Variants in NEGR1 observed in about 807,000 individuals in gnomAD.
NEGR1 encodes the protein IgLON family member 4.
A neutral mutation model predicts 40.9 loss-of-function variants in NEGR1; 10 were observed. The ratio of observed to expected loss-of-function variants is 0.24; its 90% confidence interval spans 0.15 to 0.42. The LOEUF (loss-of-function observed/expected upper bound fraction) is 0.42, where lower values mean the gene tolerates loss of function less well. Ranked by LOEUF, NEGR1 falls within the 10% of genes least tolerant of loss-of-function variation. The pLI, the probability that NEGR1 is intolerant of heterozygous loss-of-function variation, is 1.00. For synonymous variants in NEGR1, 185 were observed against 166.8 expected, an observed-to-expected ratio of 1.11 and a Z score of -0.84; for missense variants, 352 against 438.9, an observed-to-expected ratio of 0.80 and a Z score of 1.77.
intron 3 of NEGR1, among the ~76,000 whole-genome samples, chr1:71,768,820 T>G (rs1207257340): frequency 6.6e-6 from 1 of 152,158 alleles, no homozygotes; most frequent in African/African-American, 2.4e-5. Flanking sequence ...GGGTGATTTT[T>G]CATAAATGGT....
intron 1 of NEGR1, among the ~76,000 whole-genome samples, chr1:72,170,050 A>G (rs929402266): frequency 1.3e-5 from 2 of 152,304 alleles, no homozygotes; most frequent in Admixed American, 1.3e-4. Flanking sequence ...AGATGCCTAT[A>G]GAAAATGTGT....
At chr1:72,099,175 A>C (rs1648832758) in intron 1 of NEGR1, among the ~76,000 whole-genome samples, 2 of 151,942 alleles carry the variant, frequency 1.3e-5, no homozygotes, top group Non-Finnish European at 2.9e-5. Flanking sequence ...AATTTCCAAT[A>C]TAGGGCTATT....
intron 2 of NEGR1, among the ~76,000 whole-genome samples, chr1:71,817,111 C>T (rs142962045): frequency 5.5e-4 from 84 of 152,142 alleles, no homozygotes; most frequent in African/African-American, 1.8e-3. Flanking sequence ...CATTCTGGCA[C>T]GGTTTCTGCA....
At chr1:71,948,910 C>A (rs1326593857) in intron 1 of NEGR1, among the ~76,000 whole-genome samples, 1 of 151,956 alleles carries the variant, frequency 6.6e-6, no homozygotes, top group South Asian at 2.1e-4. Context: ...CTCTCAAGGT[C>A]AGAATTTTGT....
chr1:72,024,216 C>A (rs1447090298), intron 1 of NEGR1, among the ~76,000 whole-genome samples: 1 of 151,932 alleles, frequency 6.6e-6, no homozygotes, highest in East Asian at 1.9e-4. Flanking sequence ...GAGAAAAATT[C>A]TATGTATTAA....
intron 1 of NEGR1, among the ~76,000 whole-genome samples, chr1:72,085,496 C>T (rs543680599): frequency 6.6e-6 from 1 of 152,264 alleles, no homozygotes; most frequent in East Asian, 1.9e-4. Flanking sequence ...AATTGTCAAA[C>T]TAGGTGTGTT....
At chr1:71,997,262 C>A (rs1456223967) in intron 1 of NEGR1, among the ~76,000 whole-genome samples, 1 of 152,022 alleles carries the variant, frequency 6.6e-6, no homozygotes, top group Non-Finnish European at 1.5e-5. Context: ...TCCAGGCTTT[C>A]CATGATTTCA....
intron 6 of NEGR1, among the ~76,000 whole-genome samples, chr1:71,428,302 C>T (rs1257322381): frequency 6.6e-6 from 1 of 152,164 alleles, no homozygotes; most frequent in African/African-American, 2.4e-5. Flanking sequence ...CTGAAGATTT[C>T]ACACCTGCTA....
intron 4 of NEGR1, among the ~76,000 whole-genome samples, chr1:71,666,681 T>C (rs1273986158): frequency 1.3e-5 from 2 of 152,210 alleles, no homozygotes; most frequent in Non-Finnish European, 2.9e-5. Flanking sequence ...ACTCTCCTTT[T>C]GTTCTGTAAA....
At chr1:71,602,561 A>T (rs1040133026) in intron 5 of NEGR1, among the ~76,000 whole-genome samples, 3 of 152,222 alleles carry the variant, frequency 2.0e-5, no homozygotes, top group Admixed American at 2.0e-4. Context: ...GCCCATGATT[A>T]TTCTTAACCC....
chr1:71,734,653 G>T (rs1654990586), intron 3 of NEGR1, among the ~76,000 whole-genome samples: 1 of 151,502 alleles, frequency 6.6e-6, no homozygotes, highest in African/African-American at 2.4e-5. Context: ...TCTCCTTATT[G>T]CCACACTTCC....
chr1:71,546,887 CTATA>C (rs1377725921), intron 6 of NEGR1, among the ~76,000 whole-genome samples: 3 of 151,592 alleles, frequency 2.0e-5, no homozygotes, highest in Admixed American at 6.6e-5. Context: ...TGTCAGTTTC[CTATA>C]TAAAGAGGTG....
At chr1:71,678,070 ACAGATCAT>A (rs1652706169) in intron 4 of NEGR1, among the ~76,000 whole-genome samples, 2 of 190 alleles carry the variant, frequency 0.011, no homozygotes, top group African/African-American at 0.014. Context: ...ATACATGATG[ACAGATCAT>A]GACAGATCTG....
intron 3 of NEGR1, among the ~76,000 whole-genome samples, chr1:71,770,521 A>G (rs1206074024): frequency 6.6e-6 from 1 of 152,208 alleles, no homozygotes. Flanking sequence ...TGTATGGTAT[A>G]AAATCAATCA....
intron 1 of NEGR1, among the ~76,000 whole-genome samples, chr1:72,160,517 T>G (rs1651517686): frequency 6.6e-6 from 1 of 152,112 alleles, no homozygotes; most frequent in Non-Finnish European, 1.5e-5. Context: ...CAATTTTCAA[T>G]TACAGAAAGA....
intron 1 of NEGR1, among the ~76,000 whole-genome samples, chr1:72,225,994 A>G (rs560024281): frequency 4.6e-5 from 7 of 152,002 alleles, no homozygotes; most frequent in Admixed American, 1.3e-4. Context: ...TATGTCGTAG[A>G]CAAAAAACTT....
intron 1 of NEGR1, among the ~76,000 whole-genome samples, chr1:72,046,791 T>C (rs1647006235): frequency 6.6e-6 from 1 of 151,564 alleles, no homozygotes; most frequent in African/African-American, 2.4e-5. Flanking sequence ...AAAACACTAA[T>C]TCAAAGTACG....
rs115076780 is a variant in NEGR1, at chr1:72,039,263, C to T, written c.177-103952G>A. Reference sequence around the variant, plus strand: ...ATTGTGCTAAGGACATTAGCTTCTTCCTGTAAGCACTGGGAAGCCATTGAA... The same window carrying T: ...ATTGTGCTAAGGACATTAGCTTCTTTCTGTAAGCACTGGGAAGCCATTGAA... On this transcript the variant is annotated intron_variant, in intron 1 of 6. Coordinates refer to ENST00000357731, the MANE Select transcript of NEGR1 (RefSeq NM_173808.3). Among the ~76,000 whole-genome samples, 962 of 152,044 alleles carry T rather than the reference C, an allele frequency of 6.3e-3. 15 individuals carry two copies. The highest frequency in any genetic ancestry group is 0.022 in the African/African-American group (919 of 41,518).
At chr1:71,828,228 G>A (rs1658711866) in intron 2 of NEGR1, among the ~76,000 whole-genome samples, 2 of 151,906 alleles carry the variant, frequency 1.3e-5, no homozygotes, top group Non-Finnish European at 2.9e-5. Context: ...TTTCAGAGAA[G>A]GAATGTTTTT....
Sources: gnomAD v4.1 joint callset for allele counts (sites outside exome capture counted in the v4.1 genomes callset) on GRCh38, gnomAD v4.1.1 for gene constraint, MANE v1.5 for transcripts, NCBI Gene and HGNC (gene_info 2026-07-23, HGNC 2026-07-21) for gene names.